The following GRM8 variants were observed in gnomAD, a reference collection of about 807,000 sequenced individuals.
GRM8 encodes glutamate metabotropic receptor 8, also known as metabotropic glutamate receptor 8.
In GRM8, 47 loss-of-function variants were observed where a neutral mutation model predicts 87.2. That is an observed-to-expected ratio of 0.54 (90% CI 0.43 to 0.69). The LOEUF (loss-of-function observed/expected upper bound fraction) is 0.69, where lower values mean the gene tolerates loss of function less well. Among genes scored for constraint, GRM8 ranks in the 30% least tolerant of loss-of-function variants. GRM8 has a pLI of 0.00. For synonymous variants in GRM8, 396 were observed against 404.5 expected, an observed-to-expected ratio of 0.98 and a Z score of 0.25; for missense variants, 1,019 against 1,139.2, an observed-to-expected ratio of 0.89 and a Z score of 1.52.
intron 8 of GRM8, among the ~76,000 whole-genome samples, chr7:126,543,182 C>T (rs1990247): frequency 0.16 from 24,892 of 152,160 alleles, 2,198 homozygotes; most frequent in Middle Eastern, 0.2. Flanking sequence ...TTTTACAGTA[C>T]ATGATTATGT....
chr7:127,022,136 C>T (rs1302094111), intron 3 of GRM8, among the ~76,000 whole-genome samples: 1 of 151,910 alleles, frequency 6.6e-6, no homozygotes, highest in Non-Finnish European at 1.5e-5. Context: ...TAGAATAACA[C>T]CACTTATTTT....
intron 6 of GRM8, among the ~76,000 whole-genome samples, chr7:126,808,295 G>C (rs1338700779): frequency 2.0e-5 from 3 of 152,086 alleles, no homozygotes; most frequent in African/African-American, 7.2e-5. Flanking sequence ...CTCACTTTCT[G>C]ACCCATCACC....
intron 3 of GRM8, among the ~76,000 whole-genome samples, chr7:126,949,608 T>C (rs183968066): frequency 6.6e-6 from 1 of 152,312 alleles, no homozygotes; most frequent in African/African-American, 2.4e-5. Flanking sequence ...GAATGTCCCT[T>C]TAGATGGAAA....
chr7:126,605,171 G>A (rs1322465472), intron 8 of GRM8, among the ~76,000 whole-genome samples: 1 of 151,974 alleles, frequency 6.6e-6, no homozygotes, highest in Non-Finnish European at 1.5e-5. Context: ...TCTTTTCACA[G>A]TTCAGGCTCT....
chr7:126,651,302 G>T lies in GRM8; in HGVS notation c.1358-41804C>A, dbSNP rs151256358. On this transcript the variant is annotated intron_variant, in intron 7 of 10. Coordinates refer to ENST00000339582, the MANE Select transcript of GRM8 (RefSeq NM_000845.3). ...CCATGTTCCCCATCATCCTGAAGCA[G>T]CTGGATTGACAGAATGGCAGAATGG... Among the ~76,000 whole-genome samples the T allele has an allele frequency of 6.9e-3, 1,048 of 152,298 alleles. 12 individuals are homozygous for T. Among genetic ancestry groups the T allele is most frequent in the African/African-American group, 0.024 (1,001 of 41,564 alleles).
At chr7:127,022,409 T>A (rs565298235) in intron 3 of GRM8, among the ~76,000 whole-genome samples, 3 of 152,048 alleles carry the variant, frequency 2.0e-5, no homozygotes, top group African/African-American at 7.2e-5. Flanking sequence ...AGACAAAATA[T>A]TATTTTTTTA....
chr7:126,622,479 C>T (rs532872210), intron 7 of GRM8, among the ~76,000 whole-genome samples: 22 of 152,160 alleles, frequency 1.4e-4, no homozygotes, highest in African/African-American at 5.1e-4. Flanking sequence ...CAAAAACTTC[C>T]TCATCATTCC....
Position 126,685,638 on chromosome 7 carries a change from C to T in GRM8, c.1358-76140G>A, listed in dbSNP as rs997438635. On this transcript the variant is annotated intron_variant, in intron 7 of 10. Transcript: ENST00000339582. This position sits in a 1 kb window ranked among gnomAD's most constrained non-coding sequence, Gnocchi z 4.2. ...GGCCAGGGGCATATGCTCAGGGCAG[C>T]AGTGACCCACCAACCCCTTGCTGCC... Among the ~76,000 whole-genome samples, 9 of 152,118 alleles carry T rather than the reference C, an allele frequency of 5.9e-5. No individual in the cohort carries two copies. Among genetic ancestry groups the T allele is most frequent in the African/African-American group, 2.2e-4 (9 of 41,448 alleles).
chr7:126,981,429 A>T (rs1164953224), intron 3 of GRM8: 1 of 152,198 alleles, frequency 6.6e-6, no homozygotes, highest in African/African-American at 2.4e-5. Flanking sequence ...TTGAGTCCAA[A>T]GTTAAGAGAC....
At chr7:127,075,137 C>T (rs1412021034) in intron 3 of GRM8, among the ~76,000 whole-genome samples, 2 of 152,088 alleles carry the variant, frequency 1.3e-5, no homozygotes, top group Non-Finnish European at 1.5e-5. Flanking sequence ...GAAATGCTGT[C>T]CATAGTTAAG....
At chr7:127,219,434 G>A (rs1796778766) in intron 2 of GRM8, 1 of 152,094 alleles carries the variant, frequency 6.6e-6, no homozygotes. Flanking sequence ...TTAGAGTAAT[G>A]CATAATATTT....
chr7:127,175,221 A>G (rs1794032210), intron 2 of GRM8, among the ~76,000 whole-genome samples: 1 of 152,210 alleles, frequency 6.6e-6, no homozygotes, highest in African/African-American at 2.4e-5. Context: ...AAACACTAAC[A>G]GAACTGAATA....
intron 2 of GRM8, among the ~76,000 whole-genome samples, chr7:127,193,918 C>T (rs558367121): frequency 1.7e-4 from 26 of 152,284 alleles, no homozygotes; most frequent in African/African-American, 6.0e-4. Context: ...AAAGCATCAG[C>T]ATTCAATCAC....
At chr7:127,061,950 G>A (rs1292817614) in intron 3 of GRM8, among the ~76,000 whole-genome samples, 1 of 152,088 alleles carries the variant, frequency 6.6e-6, no homozygotes. Context: ...GCAGCTTCTT[G>A]ACCTCCTTGA....
Position 126,633,490 on chromosome 7 carries a change from T to C in GRM8, c.1358-23992A>G, listed in dbSNP as rs569595975. 3.9e-5 allele frequency among the ~76,000 whole-genome samples: 6 copies of C among 152,270 alleles called. No homozygotes were observed. The South Asian group carries it at 1.0e-3, about 26-fold the overall frequency. ...TTCGCTCTTGGTCTGTGTCTATAGA[T>C]AGATATAAGCTACTTGGAGCACTTG... On this transcript the variant is annotated intron_variant, in intron 7 of 10. Transcript: ENST00000339582.
chr7:127,189,935 A>G (rs892186074), intron 2 of GRM8, among the ~76,000 whole-genome samples: 7 of 152,358 alleles, frequency 4.6e-5, no homozygotes, highest in African/African-American at 1.7e-4. Flanking sequence ...CTTCCATAAT[A>G]GTACTGCATA....
In GRM8 at chr7:126,782,139, A is replaced by G. The variant is rs149115920; in HGVS notation, c.1157-12074T>C. Among the ~76,000 whole-genome samples the G allele has an allele frequency of 2.5e-3, 375 of 152,352 alleles. 3 individuals carry two copies. The highest frequency in any genetic ancestry group is 8.7e-3 in the African/African-American group (360 of 41,578). ...AATCAAGTTCATTGCAAATAGTAAC[A>G]GGAAGTATTGTTTCTTGAGTCTTTA... is the stretch of plus-strand genomic sequence containing the variant. On this transcript the variant is annotated intron_variant, in intron 6 of 10. Coordinates refer to ENST00000339582, the MANE Select transcript of GRM8 (RefSeq NM_000845.3).
chr7:126,448,964 A>G (rs796355372), intron 9 of GRM8, among the ~76,000 whole-genome samples: 8 of 151,984 alleles, frequency 5.3e-5, no homozygotes, highest in African/African-American at 1.9e-4. Flanking sequence ...TGATAAAAAT[A>G]ATCTGTACAA....
At chr7:126,785,163 T>C (rs941351869) in intron 6 of GRM8, among the ~76,000 whole-genome samples, 1 of 152,154 alleles carries the variant, frequency 6.6e-6, no homozygotes, top group Admixed American at 6.5e-5. Flanking sequence ...ACTAAGACTA[T>C]AGGTGAATGC....
Sources: allele counts gnomAD v4.1 joint callset (sites outside exome capture counted in the v4.1 genomes callset), GRCh38; gene constraint gnomAD v4.1.1; non-coding constraint Gnocchi (gnomAD v3.1); transcripts MANE v1.5; gene names NCBI Gene and HGNC (gene_info 2026-07-23, HGNC 2026-07-21).